Variants in ANP32B observed in about 807,000 individuals in gnomAD.
ANP32B encodes acidic nuclear phosphoprotein 32 family member B, also known as acidic leucine-rich nuclear phosphoprotein 32 family member B.
ANP32B carries 6 observed loss-of-function variants against 32.2 expected under a neutral mutation model. The observed-to-expected ratio is 0.19, with a 90% CI of 0.10 to 0.37. ANP32B has a LOEUF of 0.37. ANP32B is among the 10% of genes least tolerant of loss of function. The pLI, the probability that ANP32B is intolerant of heterozygous loss-of-function variation, is 1.00. For synonymous variants in ANP32B, 98 were observed against 105.8 expected (o/e 0.93, Z 0.45); for missense variants, 204 against 289.2 (o/e 0.71, Z 2.14).
chr9:98,013,819 G>C (rs1178323157), intron 6 of ANP32B, among the ~76,000 whole-genome samples: 1 of 151,878 alleles, frequency 6.6e-6, no homozygotes, highest in African/African-American at 2.4e-5. Flanking sequence ...TCATGCCACT[G>C]CACTGCAGCC....
chr9:97,990,857 G>T (rs1042651389), intron 1 of ANP32B, among the ~76,000 whole-genome samples: 13 of 137,014 alleles, frequency 9.5e-5, no homozygotes, highest in African/African-American at 3.5e-4. Flanking sequence ...TCTTGCTCTG[G>T]TGCCCAGGCT....
At chr9:98,004,066 T>G (rs1229859334) in intron 3 of ANP32B, among the ~76,000 whole-genome samples, 1 of 152,200 alleles carries the variant, frequency 6.6e-6, no homozygotes, top group East Asian at 1.9e-4. Context: ...CAAAACTTAA[T>G]AGACCTGGGA....
chr9:98,002,033 T>C (rs1295776127), intron 3 of ANP32B, among the ~76,000 whole-genome samples: 1 of 152,182 alleles, frequency 6.6e-6, no homozygotes, highest in Non-Finnish European at 1.5e-5. Context: ...TCTGCTATAC[T>C]TGGCACTCAG....
In ANP32B at chr9:97,983,446, C is replaced by T; in HGVS notation, c.-110C>T. On this transcript the variant is annotated 5_prime_UTR_variant, in exon 1 of 7. Transcript: ENST00000339399. Reference sequence around the variant, plus strand: ...CCACCCAGGACCGCGCCGCCGGCCTCCGCCGCTAGCAAACCCTTCCGACGG... The same window carrying T: ...CCACCCAGGACCGCGCCGCCGGCCTTCGCCGCTAGCAAACCCTTCCGACGG... 1 of 1,049,128 alleles carries T rather than the reference C, an allele frequency of 9.5e-7. No homozygotes were observed. The highest frequency in any genetic ancestry group is 1.4e-6 in the Non-Finnish European group (1 of 712,300). 65.0% of individuals were successfully genotyped at this position (1,049,128 alleles called of 1,614,324 possible). A position where few individuals can be genotyped will look rare whatever the true frequency, so the allele number is the denominator to read the frequency against.
chr9:97,995,542 T>C (rs995158615), intron 2 of ANP32B, among the ~76,000 whole-genome samples: 2 of 152,210 alleles, frequency 1.3e-5, no homozygotes, highest in African/African-American at 4.8e-5. Context: ...TAGAGCTTGC[T>C]TGAGTTCTGA....
In ANP32B at chr9:97,983,566, A is replaced by G; in HGVS notation, c.11A>G (p.Lys4Arg). 3.8e-6 allele frequency: 6 copies of G among 1,585,046 alleles called. No homozygotes were observed. Among genetic ancestry groups the G allele is most frequent in the Non-Finnish European group, 5.1e-6 (6 of 1,166,584 alleles). MDM[K>R]RRIHLELRNR... ...GGGGAAGAGGGGAACATGGACATGA[A>G]GAGGAGGATCCACCTGGAGCTGAGG... Residue 4 changes from lysine (K) to arginine (R), a missense_variant, in exon 1 of 7, where the codon AAG becomes AGG. Physicochemically the swap from Lys to Arg is conservative, Grantham distance 26. Coordinates refer to ENST00000339399, the MANE Select transcript of ANP32B (RefSeq NM_006401.3).
chr9:97,993,724 C>T (rs1006021273), intron 1 of ANP32B, among the ~76,000 whole-genome samples: 1 of 152,228 alleles, frequency 6.6e-6, no homozygotes, highest in African/African-American at 2.4e-5. Flanking sequence ...CCACCTCCAC[C>T]TCCCAGGTTC....
intron 1 of ANP32B, chr9:97,984,818 G>C (rs1827682205): frequency 6.6e-6 from 1 of 150,402 alleles, no homozygotes. Flanking sequence ...AAGGGCAACG[G>C]CAGGCGGCCG....
In ANP32B at chr9:97,983,595, C is replaced by A. The variant is rs1416295914; in HGVS notation, c.40C>A (p.Arg14=). The change falls in exon 1 of 7, where the codon CGG becomes AGG. Residue 14 remains arginine, a synonymous_variant. Transcript: ENST00000339399. ...KRRIHLELRN[R]TPAAVRELVL... ...GAGGATCCACCTGGAGCTGAGGAACCGGACCCCGGCAGCTGTAAGCAGAGA... is the reference window on the plus strand; with the variant it reads ...GAGGATCCACCTGGAGCTGAGGAACAGGACCCCGGCAGCTGTAAGCAGAGA... 1 of 1,582,792 alleles carries A rather than the reference C, an allele frequency of 6.3e-7. No individual in the cohort carries two copies. Among genetic ancestry groups the A allele is most frequent in the Non-Finnish European group, 8.6e-7 (1 of 1,165,450 alleles).
At chr9:98,013,275 C>A (rs1828218701) in intron 6 of ANP32B, among the ~76,000 whole-genome samples, 1 of 152,204 alleles carries the variant, frequency 6.6e-6, no homozygotes, top group Non-Finnish European at 1.5e-5. Flanking sequence ...GATCCACCCA[C>A]CTCGGCCTCC....
intron 1 of ANP32B, among the ~76,000 whole-genome samples, chr9:97,988,943 A>G (rs1827781081): frequency 6.6e-6 from 1 of 152,132 alleles, no homozygotes; most frequent in Non-Finnish European, 1.5e-5. Context: ...ATTCCTCCAT[A>G]CCCTTTCCTC....
chr9:98,007,648 A>T (rs1587879682), intron 4 of ANP32B, among the ~76,000 whole-genome samples: 1 of 152,200 alleles, frequency 6.6e-6, no homozygotes, highest in South Asian at 2.1e-4. Context: ...AGCGGCTGCC[A>T]TGGCTGGACG....
At chr9:98,012,684 G>GGTCCT (rs1211586766) in intron 6 of ANP32B, among the ~76,000 whole-genome samples, 11 of 152,288 alleles carry the variant, frequency 7.2e-5, no homozygotes, top group African/African-American at 2.6e-4. Context: ...TCATGGCAAG[G>GGTCCT]GTCCTGTTGG....
Position 97,983,498 on chromosome 9 carries a change from C to T in ANP32B, c.-58C>T. 1 of 1,471,788 alleles carries T rather than the reference C, an allele frequency of 6.8e-7. No individual in the cohort carries two copies. The highest frequency in any genetic ancestry group is 9.2e-7 in the Non-Finnish European group (1 of 1,084,456). 91.2% of individuals were successfully genotyped at this position (1,471,788 alleles called of 1,614,324 possible). A position where few individuals can be genotyped will look rare whatever the true frequency, so the allele number is the denominator to read the frequency against. On this transcript the variant is annotated 5_prime_UTR_variant, in exon 1 of 7. Coordinates refer to ENST00000339399, the MANE Select transcript of ANP32B (RefSeq NM_006401.3). ...CCTCGCTGCGCAAGCCGGGACGCCTCTCCCCCCTCCGCCCCCGCCGCGGAA... is the reference window on the plus strand; with the variant it reads ...CCTCGCTGCGCAAGCCGGGACGCCTTTCCCCCCTCCGCCCCCGCCGCGGAA...
Position 97,983,594 on chromosome 9 carries a change from C to T in ANP32B, c.39C>T (p.Asn13=). The T allele has an allele frequency of 2.5e-6, 4 of 1,583,564 alleles. No individual in the cohort carries two copies. The highest frequency in any genetic ancestry group is 2.3e-5 in the East Asian group (1 of 42,686). ...MKRRIHLELR[N]RTPAAVRELV... ...GGAGGATCCACCTGGAGCTGAGGAA[C>T]CGGACCCCGGCAGCTGTAAGCAGAG... is the stretch of plus-strand genomic sequence containing the variant. The change falls in exon 1 of 7, where the codon AAC becomes AAT. Residue 13 remains asparagine (N), a synonymous_variant. Transcript: ENST00000339399.
intron 1 of ANP32B, among the ~76,000 whole-genome samples, chr9:97,993,629 A>G (rs117014678): frequency 0.01 from 1,543 of 152,328 alleles, 17 homozygotes; most frequent in Non-Finnish European, 0.017. Flanking sequence ...CAAAAGTTCA[A>G]ATCATCAGAT....
chr9:97,998,424 G>A (rs1351519858), intron 2 of ANP32B, 132 bp from the exon 3 acceptor site: 1 of 909,410 alleles, frequency 1.1e-6, no homozygotes, highest in Non-Finnish European at 1.6e-6. Context: ...GAACATGCAT[G>A]CCCTAATAGA....
In ANP32B at chr9:97,983,423, A is replaced by C. The variant is rs1827629127; in HGVS notation, c.-133A>C. The C allele has an allele frequency of 2.6e-6, 2 of 773,964 alleles. No individual in the cohort carries two copies. The highest frequency in any genetic ancestry group is 2.3e-5 in the Admixed American group (1 of 43,078). 47.9% of individuals were successfully genotyped at this position (773,964 alleles called of 1,614,324 possible). On this transcript the variant is annotated 5_prime_UTR_variant, in exon 1 of 7. Transcript: ENST00000339399. The stretch of plus-strand genomic sequence containing the variant: ...CTCGCCTGCCCGCACGCCGCCCGCC[A>C]CCCAGGACCGCGCCGCCGGCCTCCG...
At position 97,994,378 on chromosome 9, in the gene ANP32B, T is replaced by G. The variant is rs532081242; in HGVS notation, c.55-253T>G. Reference sequence around the variant, plus strand: ...TCACTTATATCTTAAAAAGTATAGTTTCTGTTTCTGGAAAAACAAAGAGCG... The same window carrying G: ...TCACTTATATCTTAAAAAGTATAGTGTCTGTTTCTGGAAAAACAAAGAGCG... On this transcript the variant is annotated intron_variant, in intron 1 of 6. Coordinates refer to ENST00000339399, the MANE Select transcript of ANP32B (RefSeq NM_006401.3). Among the ~76,000 whole-genome samples the G allele has an allele frequency of 2.7e-3, 409 of 152,344 alleles. 1 individual carries two copies. The highest frequency in any genetic ancestry group is 4.2e-3 in the Non-Finnish European group (288 of 68,022).
Sources: gnomAD v4.1 joint callset for allele counts (sites outside exome capture counted in the v4.1 genomes callset) on GRCh38, gnomAD v4.1.1 for gene constraint, MANE v1.5 for transcripts, NCBI Gene and HGNC (gene_info 2026-07-23, HGNC 2026-07-21) for gene names.